The following ASB15 variants were observed in gnomAD, a reference collection of about 807,000 sequenced individuals.
ASB15 encodes ankyrin repeat and SOCS box containing 15, also known as ankyrin repeat and SOCS box protein 15.
Under a neutral mutation model 58.0 loss-of-function variants are expected in ASB15, and 54 were observed. That is an observed-to-expected ratio of 0.93 (90% CI 0.75 to 1.17). ASB15 has a LOEUF of 1.17. Among genes scored for constraint, ASB15 ranks in the 50% most tolerant of loss-of-function variants. ASB15 has a pLI of 0.00. For missense variants in ASB15, 680 were observed against 707.4 expected (o/e 0.96, Z 0.44); for synonymous variants, 249 against 262.4 (o/e 0.95, Z 0.50).
chr7:123,616,145 T>C (rs1015541908), intron 4 of ASB15, 76 bp from the exon 5 acceptor site: 23 of 1,222,342 alleles, frequency 1.9e-5, no homozygotes, highest in Admixed American at 8.3e-5. Context: ...AAAAATGCAA[T>C]ATAAATTAAA....
chr7:123,635,652 TAAG>T (rs1802387654), intron 11 of ASB15, among the ~76,000 whole-genome samples: 1 of 135,414 alleles, frequency 7.4e-6, no homozygotes, highest in Non-Finnish European at 1.5e-5. Flanking sequence ...ACAATCCAAG[TAAG>T]AATAAGGCCA....
chr7:123,572,583 T>C (rs1429192822), intron 1 of ASB15, among the ~76,000 whole-genome samples: 2 of 152,122 alleles, frequency 1.3e-5, no homozygotes, highest in African/African-American at 4.8e-5. Flanking sequence ...TTCCTTATAT[T>C]GTTATAATTT....
In ASB15 at chr7:123,637,809, T is replaced by C. The variant is rs1194848804; in HGVS notation, c.*828T>C. 39 of 144,538 alleles carry C rather than the reference T, an allele frequency of 2.7e-4. No individual in the cohort carries two copies. The Admixed American group carries it at 2.9e-3, about 11-fold the overall frequency. 9.0% of individuals were successfully genotyped at this position (144,538 alleles called of 1,614,324 possible). ...CTTTCTCTCATGTTCTCCTGACCTATGTAGACAATTGGCCTCATGAACATT... is the reference window on the plus strand; with the variant it reads ...CTTTCTCTCATGTTCTCCTGACCTACGTAGACAATTGGCCTCATGAACATT... On this transcript the variant is annotated 3_prime_UTR_variant, in exon 12 of 12. Coordinates refer to ENST00000451215, the MANE Select transcript of ASB15 (RefSeq NM_001290258.2).
intron 2 of ASB15, among the ~76,000 whole-genome samples, chr7:123,606,038 T>G (rs1800134313): frequency 6.6e-6 from 1 of 152,228 alleles, no homozygotes. Context: ...GATATTATTT[T>G]TATTGTTACT....
At chr7:123,572,430 C>T (rs892004301) in intron 1 of ASB15, among the ~76,000 whole-genome samples, 6 of 151,934 alleles carry the variant, frequency 3.9e-5, no homozygotes, top group Non-Finnish European at 8.8e-5. Context: ...CGAGCCACCA[C>T]GCCCAGCCTA....
chr7:123,611,098 A>AG (rs1562926379), intron 3 of ASB15, among the ~76,000 whole-genome samples: 1 of 151,390 alleles, frequency 6.6e-6, no homozygotes, highest in African/African-American at 2.4e-5. Context: ...AAAAAAAAAA[A>AG]AAAAAAGAAA....
intron 9 of ASB15, 64 bp from the exon 10 acceptor site, chr7:123,628,800 C>A: frequency 8.9e-7 from 1 of 1,119,818 alleles, no homozygotes; most frequent in Non-Finnish European, 1.3e-6. Context: ...CTAGTGAGAA[C>A]GGTAGTTTAT....
At chr7:123,589,059 G>A (rs1219300330) in intron 1 of ASB15, among the ~76,000 whole-genome samples, 4 of 151,636 alleles carry the variant, frequency 2.6e-5, no homozygotes, top group Non-Finnish European at 5.9e-5. Context: ...GCATATGTCT[G>A]TTAGGTTCAT....
intron 1 of ASB15, among the ~76,000 whole-genome samples, chr7:123,578,639 A>C (rs1250456473): frequency 2.6e-5 from 4 of 151,400 alleles, no homozygotes; most frequent in Non-Finnish European, 4.4e-5. Flanking sequence ...TTAATATCTG[A>C]GCTAATGAGA....
chr7:123,577,447 G>A (rs1298354108), intron 1 of ASB15, among the ~76,000 whole-genome samples: 1 of 152,032 alleles, frequency 6.6e-6, no homozygotes, highest in Non-Finnish European at 1.5e-5. Flanking sequence ...ATTCACTTAA[G>A]ATAACTGAAC....
chr7:123,569,159 C>G (rs1362606444), intron 1 of ASB15, among the ~76,000 whole-genome samples: 1 of 152,044 alleles, frequency 6.6e-6, no homozygotes, highest in South Asian at 2.1e-4. Flanking sequence ...CTAGACTGGC[C>G]GTTCTCAACC....
intron 7 of ASB15, among the ~76,000 whole-genome samples, chr7:123,623,940 A>G (rs1439901431): frequency 0.22 from 7,637 of 34,194 alleles, 603 homozygotes; most frequent in Non-Finnish European, 0.28. Flanking sequence ...GAAAAGAAAG[A>G]AAGAAAGAAA....
chr7:123,588,556 CT>C (rs1271365085), intron 1 of ASB15, among the ~76,000 whole-genome samples: 1 of 137,822 alleles, frequency 7.3e-6, no homozygotes, highest in Non-Finnish European at 1.6e-5. Flanking sequence ...TCTTTCTTTC[CT>C]TCTTCCTTCC....
At chr7:123,595,030 G>A (rs184045907) in intron 1 of ASB15, among the ~76,000 whole-genome samples, 3 of 152,224 alleles carry the variant, frequency 2.0e-5, no homozygotes, top group East Asian at 1.9e-4. Context: ...CCCTCCACCC[G>A]CCAAGCTCCA....
chr7:123,633,139 G>A (rs762509523), intron 11 of ASB15, among the ~76,000 whole-genome samples: 3 of 152,060 alleles, frequency 2.0e-5, no homozygotes, highest in South Asian at 2.1e-4. Flanking sequence ...AATGATTAGC[G>A]AGATATCACC....
chr7:123,621,875 G>A (rs1335324359), intron 7 of ASB15, among the ~76,000 whole-genome samples: 1 of 152,152 alleles, frequency 6.6e-6, no homozygotes, highest in Non-Finnish European at 1.5e-5. Context: ...TAGTTGGATA[G>A]GCACAAGCTG....
In ASB15 at chr7:123,571,316, A is replaced by C. The variant is rs59311480; in HGVS notation, c.-443+4228A>C. 7.3e-3 allele frequency among the ~76,000 whole-genome samples: 1,118 copies of C among 152,318 alleles called. 14 individuals carry two copies. The highest frequency in any genetic ancestry group is 0.026 in the African/African-American group (1,075 of 41,570). ...CATTTTCGTTGTACTGTGGTTTTTAATTGCATTTAATTATTGTTTAAAACA... is the reference window on the plus strand; with the variant it reads ...CATTTTCGTTGTACTGTGGTTTTTACTTGCATTTAATTATTGTTTAAAACA... On this transcript the variant is annotated intron_variant, in intron 1 of 13. Coordinates refer to the ASB15 transcript ENST00000451558.
intron 1 of ASB15, among the ~76,000 whole-genome samples, chr7:123,603,756 A>G (rs1374112383): frequency 6.6e-6 from 1 of 152,222 alleles, no homozygotes; most frequent in Non-Finnish European, 1.5e-5. Flanking sequence ...ATAGGAATAA[A>G]TAGAGTCCAA....
At chr7:123,610,030 A>G (rs1800356884) in intron 3 of ASB15, among the ~76,000 whole-genome samples, 1 of 152,180 alleles carries the variant, frequency 6.6e-6, no homozygotes, top group Non-Finnish European at 1.5e-5. Flanking sequence ...AAGTAACATA[A>G]AGCCTTATTG....
Sources: allele counts gnomAD v4.1 joint callset (sites outside exome capture counted in the v4.1 genomes callset), GRCh38; gene constraint gnomAD v4.1.1; transcripts MANE v1.5; gene names NCBI Gene and HGNC (gene_info 2026-07-23, HGNC 2026-07-21).